The following WASF2 variants were observed in gnomAD, a reference collection of about 807,000 sequenced individuals.
The protein encoded by WASF2 is actin-binding protein WASF2.
WASF2 carries 14 observed loss-of-function variants against 45.0 expected under a neutral mutation model. The ratio of observed to expected loss-of-function variants is 0.31; its 90% CI spans 0.21 to 0.49. The LOEUF is 0.49. Among genes scored for constraint, WASF2 ranks in the 20% least tolerant of loss-of-function variants. The pLI is 0.99. For synonymous variants in WASF2, 200 were observed against 236.3 expected (o/e 0.85, Z 1.41); for missense variants, 439 against 636.1 (o/e 0.69, Z 3.33).
rs370696157 is a variant in WASF2, at chr1:27,422,149, C to T, written c.131-3061G>A. 4.0e-5 allele frequency among the ~76,000 whole-genome samples: 6 copies of T among 151,868 alleles called. No individual in the cohort carries two copies. In the East Asian group the frequency reaches 1.2e-3, roughly 29 times the overall value. On this transcript the variant is annotated intron_variant, in intron 2 of 8. Transcript: ENST00000618852. ...GTAGAAGTAGAGGCTCAGTGTGGCACAGTGGTTTTCAAGAAAAAATCTTAC... is the reference window on the plus strand; with the variant it reads ...GTAGAAGTAGAGGCTCAGTGTGGCATAGTGGTTTTCAAGAAAAAATCTTAC...
At chr1:27,412,020 A>C (rs375590037) in intron 7 of WASF2, among the ~76,000 whole-genome samples, 1 of 152,178 alleles carries the variant, frequency 6.6e-6, no homozygotes, top group East Asian at 1.9e-4. Flanking sequence ...ACTGGCTGTG[A>C]CCTTTGGGTC....
At chr1:27,441,549 C>G (rs548194159) in intron 1 of WASF2, among the ~76,000 whole-genome samples, 67 of 151,776 alleles carry the variant, frequency 4.4e-4, no homozygotes, top group Non-Finnish European at 7.8e-4. Context: ...GTCAGGAGAT[C>G]GAGACCATCC....
At chr1:27,427,890 G>C (rs1468539821) in intron 2 of WASF2, among the ~76,000 whole-genome samples, 1 of 152,100 alleles carries the variant, frequency 6.6e-6, no homozygotes, top group African/African-American at 2.4e-5. Context: ...AGTGGCACTA[G>C]ATAAATGCAG....
At position 27,482,306 on chromosome 1, in the gene WASF2, C is replaced by T. The variant is rs1055411021; in HGVS notation, c.-44+7680G>A. Among the ~76,000 whole-genome samples, 10 of 152,230 alleles carry T rather than the reference C, an allele frequency of 6.6e-5. No homozygotes were observed. The South Asian group carries it at 1.9e-3, about 28-fold the overall frequency. On this transcript the variant is annotated intron_variant, in intron 1 of 8. Coordinates refer to ENST00000618852, the MANE Select transcript of WASF2 (RefSeq NM_006990.5). ...TTAAGGACCACTGCCTTGACCAATC[C>T]GCCTGTCACAAAAAATACTGAGCTT...
chr1:27,465,594 G>A (rs1053842581), intron 1 of WASF2, among the ~76,000 whole-genome samples: 1 of 152,138 alleles, frequency 6.6e-6, no homozygotes, highest in Non-Finnish European at 1.5e-5. Context: ...GACCCCTACA[G>A]TATAAGCTAA....
At chr1:27,487,460 TATATAA>T (rs1386889571) in intron 1 of WASF2, among the ~76,000 whole-genome samples, 5 of 117,500 alleles carry the variant, frequency 4.3e-5, no homozygotes, top group Non-Finnish European at 6.7e-5. Flanking sequence ...AATATATATT[TATATAA>T]ATATATTTTA....
intron 1 of WASF2, among the ~76,000 whole-genome samples, chr1:27,450,657 G>A (rs772342290): frequency 2.0e-5 from 3 of 151,886 alleles, no homozygotes; most frequent in South Asian, 2.1e-4. Flanking sequence ...CGCGCCCCAC[G>A]CCTGGCTAAT....
chr1:27,430,811 TAA>T (rs1240054656), intron 1 of WASF2, among the ~76,000 whole-genome samples: 286 of 135,618 alleles, frequency 2.1e-3, no homozygotes, highest in African/African-American at 7.1e-3. Flanking sequence ...TTTATATATT[TAA>T]AAAAAAAAAA....
At chr1:27,476,345 G>A (rs5024623) in intron 1 of WASF2, among the ~76,000 whole-genome samples, 4,395 of 152,264 alleles carry the variant, frequency 0.029, 81 homozygotes, top group Non-Finnish European at 0.045. Context: ...GCTTCAGGAA[G>A]CTTTTACTCA....
At chr1:27,472,316 C>A (rs1400821121) in intron 1 of WASF2, among the ~76,000 whole-genome samples, 1 of 144,930 alleles carries the variant, frequency 6.9e-6, no homozygotes, top group Non-Finnish European at 1.5e-5. Flanking sequence ...CAGAGCAAGA[C>A]GCCAACTCAA....
chr1:27,475,979 C>T (rs2017760802), intron 1 of WASF2, among the ~76,000 whole-genome samples: 1 of 152,178 alleles, frequency 6.6e-6, no homozygotes, highest in African/African-American at 2.4e-5. Flanking sequence ...GCTTCCCAAA[C>T]TGCATGAGAG....
chr1:27,454,664 G>A (rs1269818189), intron 1 of WASF2, among the ~76,000 whole-genome samples: 1 of 152,118 alleles, frequency 6.6e-6, no homozygotes, highest in East Asian at 1.9e-4. Context: ...TGTAGAGACA[G>A]TGTCTCACTA....
At chr1:27,420,252 A>C (rs1051464792) in intron 2 of WASF2, among the ~76,000 whole-genome samples, 7 of 152,156 alleles carry the variant, frequency 4.6e-5, no homozygotes, top group Admixed American at 2.6e-4. Flanking sequence ...CAATCCTTCA[A>C]ATCTACATCT....
At chr1:27,452,975 G>A (rs533333838) in intron 1 of WASF2, among the ~76,000 whole-genome samples, 2 of 151,586 alleles carry the variant, frequency 1.3e-5, no homozygotes, top group East Asian at 3.9e-4. Flanking sequence ...GGAGGCTGAG[G>A]TGGGTGGATC....
At chr1:27,441,984 T>C (rs985885779) in intron 1 of WASF2, among the ~76,000 whole-genome samples, 21 of 150,026 alleles carry the variant, frequency 1.4e-4, no homozygotes, top group Non-Finnish European at 2.8e-4. Context: ...TGTGCACTTG[T>C]AGTCCCAGCT....
At chr1:27,422,101 C>T (rs938305823) in intron 2 of WASF2, among the ~76,000 whole-genome samples, 2 of 151,236 alleles carry the variant, frequency 1.3e-5, no homozygotes, top group African/African-American at 4.9e-5. Context: ...TTTCCTGCTC[C>T]TTAAGTGAAG....
At chr1:27,429,001 CTTT>C (rs201541202) in intron 1 of WASF2, 68 bp from the exon 2 acceptor site, 11,895 of 706,708 alleles carry the variant, frequency 0.017, no homozygotes, top group Middle Eastern at 0.023. Context: ...CTGTGTGAAT[CTTT>C]TTTTTTTTTT....
At chr1:27,419,510 G>A (rs1303579210) in intron 2 of WASF2, among the ~76,000 whole-genome samples, 1 of 152,246 alleles carries the variant, frequency 6.6e-6, no homozygotes. Flanking sequence ...AGCTACTGGG[G>A]AGGTTGAGGC....
At chr1:27,471,286 A>G (rs1435897690) in intron 1 of WASF2, among the ~76,000 whole-genome samples, 2 of 144,776 alleles carry the variant, frequency 1.4e-5, no homozygotes, top group East Asian at 4.2e-4. Context: ...CGGAGCTTGC[A>G]GTGAGCCGAG....
Sources: gnomAD v4.1 joint callset for allele counts (sites outside exome capture counted in the v4.1 genomes callset) on GRCh38, gnomAD v4.1.1 for gene constraint, MANE v1.5 for transcripts, NCBI Gene and HGNC (gene_info 2026-07-23, HGNC 2026-07-21) for gene names.